DNAJB13: variants seen among roughly 807,000 people sequenced by gnomAD.
DNAJB13 encodes the protein DnaJ heat shock protein family (Hsp40) member B13, also known as dnaJ homolog subfamily B member 13.
Under a neutral mutation model 35.6 loss-of-function variants are expected in DNAJB13, and 22 were observed. The ratio of observed to expected loss-of-function variants is 0.62; its 90% CI spans 0.44 to 0.88. The LOEUF (loss-of-function observed/expected upper bound fraction) is 0.88. Among genes scored for constraint, DNAJB13 ranks in the 40% least tolerant of loss-of-function variants. DNAJB13 has a pLI of 0.00. For synonymous variants in DNAJB13, 136 were observed against 144.2 expected (o/e 0.94, Z 0.41); for missense variants, 370 against 384.3 (o/e 0.96, Z 0.31).
intron 3 of DNAJB13, chr11:73,964,590 T>C: frequency 4.9e-6 from 1 of 202,608 alleles, no homozygotes; most frequent in Admixed American, 1.1e-4. Context: ...TTGGGCGGGG[T>C]GGGGGGGGAA....
Position 73,970,086 on chromosome 11 carries a change from A to C in DNAJB13, c.923A>C (p.Gln308Pro). The change falls in exon 8 of 8, where the codon CAG becomes CCG. Residue 308 changes from glutamine to proline, a missense_variant. Physicochemically the swap from Gln to Pro is moderately conservative, Grantham distance 76. Coordinates refer to ENST00000339764, the MANE Select transcript of DNAJB13 (RefSeq NM_153614.4). ...ACCCGCCTCACACCCCAGAAGAAGC[A>C]GATGCTGCGCCAGGCATTGCTGACA... is the stretch of plus-strand genomic sequence containing the variant. ...FPTRLTPQKK[Q>P]MLRQALLT 1 of 1,609,438 alleles carries C rather than the reference A, an allele frequency of 6.2e-7. No individual in the cohort carries two copies. Among genetic ancestry groups the C allele is most frequent in the Non-Finnish European group, 8.5e-7 (1 of 1,177,738 alleles).
At chr11:73,964,591 GGGGGGGGAAT>G in intron 3 of DNAJB13, 20 of 340,260 alleles carry the variant, frequency 5.9e-5, no homozygotes, top group South Asian at 1.6e-4. Context: ...TGGGCGGGGT[GGGGGGGGAAT>G]GTCCCAAGGG....
Position 73,954,000 on chromosome 11 carries a change from AAATAATAATAATAATAAT to A in DNAJB13, c.68+2888_68+2905del, listed in dbSNP as rs71467812. On this transcript the variant is annotated intron_variant, in intron 1 of 7. Transcript: ENST00000339764. ...AGACTCTGTCTCAAAAATAATAATAAAATAATAATAATAATAATAATAATAATAATAATAATAATAATG... is the reference window on the plus strand; with the variant it reads ...AGACTCTGTCTCAAAAATAATAATAAAATAATAATAATAATAATAATAATG... 1.6e-4 allele frequency among the ~76,000 whole-genome samples: 22 copies of A among 136,472 alleles called. 1 individual carries two copies. Among genetic ancestry groups the A allele is most frequent in the Admixed American group, 1.2e-3 (16 of 13,490 alleles). 89.5% of individuals were successfully genotyped at this position (136,472 alleles called of 152,430 possible). A position where few individuals can be genotyped will look rare whatever the true frequency, so the allele number is the denominator to read the frequency against.
intron 3 of DNAJB13, among the ~76,000 whole-genome samples, chr11:73,962,978 A>G (rs1950975313): frequency 6.6e-6 from 1 of 152,164 alleles, no homozygotes; most frequent in Non-Finnish European, 1.5e-5. Context: ...CATAGCCAAA[A>G]TAATCATTAA....
chr11:73,956,417 G>T (rs952872903), intron 1 of DNAJB13, among the ~76,000 whole-genome samples: 1 of 152,182 alleles, frequency 6.6e-6, no homozygotes, highest in Non-Finnish European at 1.5e-5. Flanking sequence ...AGAAGCAGGG[G>T]CTTGGATCTT....
intron 6 of DNAJB13, 113 bp from the exon 7 acceptor site, chr11:73,969,133 C>G: frequency 3.5e-6 from 2 of 565,354 alleles, no homozygotes; most frequent in Non-Finnish European, 6.2e-6. Flanking sequence ...ACAGCCTCGT[C>G]TCCCTTGTGC....
At chr11:73,954,406 G>A (rs1053428468) in intron 1 of DNAJB13, among the ~76,000 whole-genome samples, 20 of 151,454 alleles carry the variant, frequency 1.3e-4, no homozygotes, top group Non-Finnish European at 2.7e-4. Context: ...TGAGGCGGGC[G>A]GATCACGAGT....
intron 4 of DNAJB13, 65 bp downstream of exon 4, chr11:73,965,100 C>T: frequency 6.6e-7 from 1 of 1,503,842 alleles, no homozygotes; most frequent in African/African-American, 1.4e-5. Flanking sequence ...CTGCCTCCTC[C>T]CTTACCTGGG....
chr11:73,962,974 C>A (rs968980340), intron 3 of DNAJB13, among the ~76,000 whole-genome samples: 1 of 152,088 alleles, frequency 6.6e-6, no homozygotes, highest in Non-Finnish European at 1.5e-5. Context: ...ATTACATAGC[C>A]AAAATAATCA....
intron 3 of DNAJB13, among the ~76,000 whole-genome samples, chr11:73,961,810 A>G (rs1950939682): frequency 6.6e-6 from 1 of 152,182 alleles, no homozygotes; most frequent in Non-Finnish European, 1.5e-5. Context: ...ATTTATTATT[A>G]TTAAAGTCTT....
intron 1 of DNAJB13, 90 bp from the exon 2 acceptor site, chr11:73,958,227 C>T (rs1950815086): frequency 7.7e-7 from 1 of 1,303,724 alleles, no homozygotes. Flanking sequence ...TATAGCTAGG[C>T]AGGAGTGAAC....
intron 1 of DNAJB13, among the ~76,000 whole-genome samples, chr11:73,954,915 T>C (rs1432101778): frequency 2.6e-5 from 4 of 152,038 alleles, no homozygotes; most frequent in African/African-American, 9.7e-5. Context: ...TGAGTCATTG[T>C]ACTCCAGCCT....
intron 2 of DNAJB13, 50 bp from the exon 3 acceptor site, chr11:73,959,444 A>G: frequency 1.3e-6 from 2 of 1,578,568 alleles, no homozygotes; most frequent in Non-Finnish European, 1.7e-6. Context: ...CCCTCCACCT[A>G]TCTCAGCCCC....
In DNAJB13 at chr11:73,970,233, T is replaced by C; in HGVS notation, c.*119T>C. ...GCACAGATATGATACAAGGGTGGGATGGCGCAGGGCTTAAACTGACATAAT... is the reference window on the plus strand; with the variant it reads ...GCACAGATATGATACAAGGGTGGGACGGCGCAGGGCTTAAACTGACATAAT... On this transcript the variant is annotated 3_prime_UTR_variant, in exon 8 of 8. Transcript: ENST00000339764. The C allele has an allele frequency of 1.5e-6, 2 of 1,323,092 alleles. No homozygotes were observed. Among genetic ancestry groups the C allele is most frequent in the Non-Finnish European group, 2.0e-6 (2 of 987,984 alleles). The allele number at this position is 1,323,092 out of a possible 1,614,324, so 82.0% of individuals were successfully genotyped here. A position where few individuals can be genotyped will look rare whatever the true frequency, so the allele number is the denominator to read the frequency against.
Position 73,952,057 on chromosome 11 carries a change from G to A in DNAJB13, c.68+920G>A, listed in dbSNP as rs144163680. ...CAGCTGGAGATAAATGTCGGAATCC[G>A]ACATCGACACTCCCTTACCTCATGC... On this transcript the variant is annotated intron_variant, in intron 1 of 7. Coordinates refer to ENST00000339764, the MANE Select transcript of DNAJB13 (RefSeq NM_153614.4). 5.6e-4 allele frequency among the ~76,000 whole-genome samples: 85 copies of A among 152,300 alleles called. 1 individual carries two copies. Among genetic ancestry groups the A allele is most frequent in the African/African-American group, 1.9e-3 (81 of 41,570 alleles).
chr11:73,968,187 A>T (rs2306818), intron 5 of DNAJB13, 158 bp from the exon 6 acceptor site: 2 of 656,506 alleles, frequency 3.0e-6, no homozygotes, highest in Admixed American at 2.5e-5. Flanking sequence ...CTTCTAATCC[A>T]TCTGGGCTAT....
chr11:73,955,360 G>A (rs1465746647), intron 1 of DNAJB13, among the ~76,000 whole-genome samples: 1 of 149,688 alleles, frequency 6.7e-6, no homozygotes, highest in African/African-American at 2.5e-5. Context: ...CCAGGCTGGA[G>A]TGCAGTGGCA....
intron 1 of DNAJB13, 83 bp from the exon 2 acceptor site, chr11:73,958,234 G>A: frequency 1.4e-6 from 2 of 1,412,862 alleles, no homozygotes; most frequent in Non-Finnish European, 2.0e-6. Flanking sequence ...AGGCAGGAGT[G>A]AACAGAGTGC....
chr11:73,962,351 A>G (rs1950953193), intron 3 of DNAJB13, among the ~76,000 whole-genome samples: 1 of 136,634 alleles, frequency 7.3e-6, no homozygotes, highest in African/African-American at 2.7e-5. Context: ...AAATGAAGGA[A>G]GGACAGATGG....
Sources: allele counts gnomAD v4.1 joint callset (sites outside exome capture counted in the v4.1 genomes callset), GRCh38; gene constraint gnomAD v4.1.1; transcripts MANE v1.5; gene names NCBI Gene and HGNC (gene_info 2026-07-23, HGNC 2026-07-21).